PDS5A: variants seen among roughly 807,000 people sequenced by gnomAD.
The protein encoded by PDS5A is sister chromatid cohesion protein PDS5 homolog A.
Under a neutral mutation model 167.1 loss-of-function variants are expected in PDS5A, and 42 were observed. That is an observed-to-expected ratio of 0.25 (90% confidence interval 0.20 to 0.33). The LOEUF is 0.33. Ranked by LOEUF, PDS5A falls within the 10% of genes least tolerant of loss-of-function variation. PDS5A has a pLI of 1.00. For synonymous variants in PDS5A, 553 were observed against 554.6 expected, an observed-to-expected ratio of 1.00 and a Z score of 0.04; for missense variants, 1,033 against 1,605.9, an observed-to-expected ratio of 0.64 and a Z score of 6.10.
intron 2 of PDS5A, among the ~76,000 whole-genome samples, chr4:39,938,625 AACT>A (rs1456412979): frequency 1.3e-5 from 2 of 152,132 alleles, no homozygotes; most frequent in African/African-American, 4.8e-5. Flanking sequence ...AAAGCCAAAA[AACT>A]ACAAGTGAAA....
At position 39,952,012 on chromosome 4, in the gene PDS5A, A is replaced by C. The variant is rs373747190; in HGVS notation, c.139-23848T>G. 4.6e-5 allele frequency among the ~76,000 whole-genome samples: 7 copies of C among 152,226 alleles called. No homozygotes were observed. The East Asian group carries it at 1.2e-3, about 25-fold the overall frequency. On this transcript the variant is annotated intron_variant, in intron 2 of 32. Transcript: ENST00000303538. ...TTTAACAAAAAAGATCACAAGGGTCAAACTATGAATGTGAATGTAGGAATA... is the reference window on the plus strand; with the variant it reads ...TTTAACAAAAAAGATCACAAGGGTCCAACTATGAATGTGAATGTAGGAATA...
chr4:39,886,249 T>C (rs1721464988), intron 17 of PDS5A, among the ~76,000 whole-genome samples: 1 of 152,258 alleles, frequency 6.6e-6, no homozygotes, highest in South Asian at 2.1e-4. Context: ...GGTAGTTTGA[T>C]GGCTCCAGCT....
intron 2 of PDS5A, among the ~76,000 whole-genome samples, chr4:39,938,982 A>G (rs1247489247): frequency 6.6e-6 from 1 of 152,134 alleles, no homozygotes; most frequent in Non-Finnish European, 1.5e-5. Flanking sequence ...AAAAAAAGCA[A>G]TAATACAAAA....
chr4:39,849,117 T>G (rs1717893158), intron 27 of PDS5A, 147 bp from the exon 28 acceptor site: 1 of 642,498 alleles, frequency 1.6e-6, no homozygotes. Flanking sequence ...TGTTCAGCAC[T>G]GTTTATGCAG....
chr4:39,953,356 A>T (rs1010610951), intron 2 of PDS5A, among the ~76,000 whole-genome samples: 2 of 152,006 alleles, frequency 1.3e-5, no homozygotes, highest in African/African-American at 4.8e-5. Flanking sequence ...GGCAGGGGGA[A>T]CTATTTCTGG....
intron 17 of PDS5A, among the ~76,000 whole-genome samples, chr4:39,881,014 T>A (rs1720880710): frequency 6.9e-6 from 1 of 144,126 alleles, no homozygotes; most frequent in South Asian, 2.2e-4. Context: ...AGAGATCTAC[T>A]TTTTTTTTTT....
intron 11 of PDS5A, among the ~76,000 whole-genome samples, chr4:39,904,445 TCTC>T (rs1723141012): frequency 6.6e-6 from 1 of 152,102 alleles, no homozygotes; most frequent in Non-Finnish European, 1.5e-5. Flanking sequence ...TTCACACCAT[TCTC>T]CTGCCTCAGC....
At chr4:39,851,771 C>T (rs1718145169) in intron 26 of PDS5A, among the ~76,000 whole-genome samples, 1 of 152,146 alleles carries the variant, frequency 6.6e-6, no homozygotes, top group Middle Eastern at 3.2e-3. Context: ...CACATCGGTT[C>T]TATAGGTTTG....
chr4:39,907,276 C>T (rs1723464242), intron 11 of PDS5A, among the ~76,000 whole-genome samples: 1 of 152,056 alleles, frequency 6.6e-6, no homozygotes, highest in South Asian at 2.1e-4. Flanking sequence ...AAGGTATCTG[C>T]CTTTTTTTAA....
chr4:39,884,898 T>G (rs2109603600), intron 17 of PDS5A, among the ~76,000 whole-genome samples: 1 of 151,920 alleles, frequency 6.6e-6, no homozygotes, highest in South Asian at 2.1e-4. Context: ...TATGTCAAGG[T>G]GTATGGACAT....
chr4:39,900,234 A>G (rs1722762532), intron 14 of PDS5A, among the ~76,000 whole-genome samples, 192 bp downstream of exon 14: 1 of 152,206 alleles, frequency 6.6e-6, no homozygotes, highest in Non-Finnish European at 1.5e-5. Context: ...CTTTGCTCAC[A>G]CTAGAAAATA....
Position 39,976,584 on chromosome 4 carries a change from G to A in PDS5A, c.-7C>T. 6.2e-7 allele frequency: 1 copy of A among 1,607,534 alleles called. No homozygotes were observed. The highest frequency in any genetic ancestry group is 8.5e-7 in the Non-Finnish European group (1 of 1,175,336). ...GCTGCGCGGTGAAGTCCATCCTGGG[G>A]GACAACTTTTGGTTCACAGTCCTCT... On this transcript the variant is annotated 5_prime_UTR_variant, in exon 2 of 33. Transcript: ENST00000303538.
At chr4:39,975,733 A>G (rs1478843077) in intron 2 of PDS5A, among the ~76,000 whole-genome samples, 1 of 152,148 alleles carries the variant, frequency 6.6e-6, no homozygotes, top group Non-Finnish European at 1.5e-5. Context: ...ACTCAGAACC[A>G]CTGCTTCAAG....
At chr4:39,946,378 C>T (rs116661029) in intron 2 of PDS5A, among the ~76,000 whole-genome samples, 2,867 of 151,728 alleles carry the variant, frequency 0.019, 34 homozygotes, top group Non-Finnish European at 0.028. Flanking sequence ...CGATGAGAAA[C>T]GGGTGGTGGG....
Position 39,869,335 on chromosome 4 carries a change from A to T in PDS5A, c.2505+59T>A, listed in dbSNP as rs1029019813. 10 of 994,052 alleles carry T rather than the reference A, an allele frequency of 1.0e-5. No homozygotes were observed. The African/African-American group carries it at 1.1e-4, about 11-fold the overall frequency. 61.6% of individuals were successfully genotyped at this position (994,052 alleles called of 1,614,324 possible). ...ATTAAATTTTTTAAAGGTGAGGAAG[A>T]TAACTACAAAATGTCCCTTTTTTAA... On this transcript the variant is annotated intron_variant, in intron 22 of 32. Transcript: ENST00000303538.
At chr4:39,855,939 T>C (rs1718491377) in intron 26 of PDS5A, among the ~76,000 whole-genome samples, 2 of 152,002 alleles carry the variant, frequency 1.3e-5, no homozygotes, top group African/African-American at 4.8e-5. Flanking sequence ...GGTCAAAAAC[T>C]TGCAAATTTT....
intron 16 of PDS5A, among the ~76,000 whole-genome samples, chr4:39,891,141 C>T (rs1374609813): frequency 1.3e-5 from 2 of 151,764 alleles, no homozygotes; most frequent in Non-Finnish European, 2.9e-5. Context: ...TCAAACAACT[C>T]TCCTGCCTCA....
At chr4:39,863,554 A>ATAAT in intron 23 of PDS5A, 95 bp from the exon 24 acceptor site, 2 of 778,878 alleles carry the variant, frequency 2.6e-6, no homozygotes, top group South Asian at 4.4e-5. Flanking sequence ...TCCTTAGAGC[A>ATAAT]TAATTTATGT....
intron 2 of PDS5A, chr4:39,933,606 A>G (rs574719908): frequency 6.6e-6 from 1 of 152,304 alleles, no homozygotes; most frequent in South Asian, 2.1e-4. Context: ...TTTAAAAAAA[A>G]AACCAGTGAC....
Sources: allele counts gnomAD v4.1 joint callset (sites outside exome capture counted in the v4.1 genomes callset), GRCh38; gene constraint gnomAD v4.1.1; transcripts MANE v1.5; gene names NCBI Gene and HGNC (gene_info 2026-07-23, HGNC 2026-07-21).